Variants in MDN1 observed in about 807,000 individuals in gnomAD.
MDN1 encodes the protein midasin.
In MDN1, 266 loss-of-function variants were observed where a neutral mutation model predicts 669.2. The observed-to-expected ratio is 0.40, with a 90% CI of 0.36 to 0.44. The LOEUF is 0.44. Ranked by LOEUF, MDN1 falls within the 20% of genes least tolerant of loss-of-function variation. MDN1 has a pLI of 1.00. For missense variants in MDN1, 5,940 were observed against 6,754.0 expected, an observed-to-expected ratio of 0.88 and a Z score of 4.22; for synonymous variants, 2,385 against 2,457.1, an observed-to-expected ratio of 0.97 and a Z score of 0.87.
intron 73 of MDN1, among the ~76,000 whole-genome samples, chr6:89,682,681 C>T: frequency 7.5e-6 from 1 of 132,786 alleles, no homozygotes. Context: ...GCACTCCAGC[C>T]TGAGCGAGAC....
chr6:89,728,564 C>T (rs964614391), intron 36 of MDN1, among the ~76,000 whole-genome samples: 13 of 152,210 alleles, frequency 8.5e-5, no homozygotes, highest in African/African-American at 2.9e-4. Flanking sequence ...GGCGCCATGG[C>T]TTACGCCTGT....
In MDN1 at chr6:89,776,708, C is replaced by A; in HGVS notation, c.1726-13G>T. 6.5e-7 allele frequency: 1 copy of A among 1,545,158 alleles called. No homozygotes were observed. Among genetic ancestry groups the A allele is most frequent in the Non-Finnish European group, 8.8e-7 (1 of 1,135,514 alleles). The stretch of plus-strand genomic sequence containing the variant: ...AACAGTCTAGAGCCTATTAAAATAA[C>A]CAAGGTAAATGCTGACTGATTTTTA... On this transcript the variant is annotated splice_polypyrimidine_tract_variant and intron_variant, in intron 11 of 101. Transcript: ENST00000369393.
chr6:89,662,665 A>C (rs772799763), intron 86 of MDN1, 127 bp downstream of exon 86: 248 of 1,126,492 alleles, frequency 2.2e-4, no homozygotes, highest in Non-Finnish European at 3.0e-4. Flanking sequence ...AAAAAGAAAA[A>C]GAGGAATAGA....
intron 2 of MDN1, among the ~76,000 whole-genome samples, chr6:89,795,860 C>T (rs1015476752): frequency 1.3e-5 from 2 of 151,882 alleles, no homozygotes; most frequent in Admixed American, 1.3e-4. Flanking sequence ...GACGTCGAGG[C>T]GGGAGAATCG....
intron 91 of MDN1, 67 bp downstream of exon 91, chr6:89,656,633 A>G (rs1809325975): frequency 2.8e-6 from 3 of 1,072,464 alleles, no homozygotes; most frequent in Non-Finnish European, 2.7e-6. Context: ...TTTTTAAAGC[A>G]CTACGTTTGG....
At chr6:89,778,924 A>AAATAAAT (rs1818492302) in intron 11 of MDN1, among the ~76,000 whole-genome samples, 1 of 143,820 alleles carries the variant, frequency 7.0e-6, no homozygotes, top group Non-Finnish European at 1.5e-5. Context: ...ATAAATAAAT[A>AAATAAAT]AATAAATAAA....
Position 89,648,346 on chromosome 6 carries a change from T to A in MDN1, c.16207-17A>T. On this transcript the variant is annotated splice_polypyrimidine_tract_variant and intron_variant, in intron 97 of 101. Transcript: ENST00000369393. Reference sequence around the variant, plus strand: ...AAATGCAAGCTGTGAATTAGAAAGTTAATGATTTTAGGAATCAGAATATCC... The same window carrying A: ...AAATGCAAGCTGTGAATTAGAAAGTAAATGATTTTAGGAATCAGAATATCC... 5.6e-6 allele frequency: 9 copies of A among 1,610,958 alleles called. No individual in the cohort carries two copies. Among genetic ancestry groups the A allele is most frequent in the Non-Finnish European group, 7.6e-6 (9 of 1,177,122 alleles).
intron 12 of MDN1, among the ~76,000 whole-genome samples, chr6:89,775,493 G>T (rs893817497): frequency 1.3e-5 from 2 of 152,166 alleles, no homozygotes; most frequent in African/African-American, 4.8e-5. Context: ...GAGAATGTCA[G>T]ATATCTGCTT....
At chr6:89,769,918 T>G (rs946915582) in intron 15 of MDN1, among the ~76,000 whole-genome samples, 3 of 152,132 alleles carry the variant, frequency 2.0e-5, no homozygotes, top group Non-Finnish European at 2.9e-5. Context: ...ATGAAATTAC[T>G]AAAGACATAT....
rs1010970003 is a variant in MDN1 at position 89,678,586 on chromosome 6, G to A, written c.12412+13C>T. ...GTGACTACATTTCATTGGGTTTCAA[G>A]TGAGAACCTTACCAATTTTTGCAAG... On this transcript the variant is annotated intron_variant, in intron 75 of 101. Coordinates refer to ENST00000369393, the MANE Select transcript of MDN1 (RefSeq NM_014611.3). 20 of 1,612,878 alleles carry A rather than the reference G, an allele frequency of 1.2e-5. No homozygotes were observed. Among genetic ancestry groups the A allele is most frequent in the Non-Finnish European group, 1.6e-5 (19 of 1,179,456 alleles).
chr6:89,732,534 C>G (rs1207057040), intron 34 of MDN1, 23 bp downstream of exon 34: 1 of 1,610,062 alleles, frequency 6.2e-7, no homozygotes, highest in Admixed American at 1.7e-5. Context: ...CCCCTTGTCC[C>G]CACCAGCTAC....
In MDN1 at chr6:89,754,121, A is replaced by C. The variant is rs768641255; in HGVS notation, c.2926T>G (p.Ser976Ala). 6.2e-7 allele frequency: 1 copy of C among 1,614,058 alleles called. No homozygotes were observed. The highest frequency in any genetic ancestry group is 8.5e-7 in the Non-Finnish European group (1 of 1,179,996). Residue 976 changes from serine (S) to alanine (A), a missense_variant, in exon 21 of 102, where the codon TCC (serine) becomes GCC (alanine). This residue lies in a region of MDN1 where 1,203 missense variants were observed against 1,268.9 expected (regional missense o/e 0.95). Coordinates refer to ENST00000369393, the MANE Select transcript of MDN1 (RefSeq NM_014611.3). ...CGCTGAATGTTGCCACATGGATTGG[A>C]GGCTGCAAATCGCAGGGCCCGGCAC... Reference protein sequence around the residue: ...TLCRALRFAASNPCGNIQRSL... With the variant: ...TLCRALRFAAANPCGNIQRSL...
At chr6:89,811,893 T>C (rs1768441321) in intron 1 of MDN1, among the ~76,000 whole-genome samples, 1 of 152,184 alleles carries the variant, frequency 6.6e-6, no homozygotes, top group African/African-American at 2.4e-5. Context: ...CTTAACATTC[T>C]GTGAAGCTTA....
intron 73 of MDN1, 84 bp downstream of exon 73, chr6:89,683,048 G>A: frequency 1.5e-6 from 2 of 1,360,246 alleles, no homozygotes; most frequent in Non-Finnish European, 2.1e-6. Flanking sequence ...TTCTTGTCTA[G>A]TACTGAGGCA....
intron 91 of MDN1, 131 bp from the exon 92 acceptor site, chr6:89,656,099 C>T (rs1463610321): frequency 2.7e-6 from 2 of 745,136 alleles, no homozygotes; most frequent in Non-Finnish European, 4.3e-6. Context: ...GAATTCAATA[C>T]AGCTATTAAA....
chr6:89,766,020 C>T lies in MDN1; in HGVS notation c.2145-3490G>A, dbSNP rs187010140. Among the ~76,000 whole-genome samples, 589 of 152,304 alleles carry T rather than the reference C, an allele frequency of 3.9e-3. 4 individuals are homozygous for T. Among genetic ancestry groups the T allele is most frequent in the Non-Finnish European group, 5.8e-3 (394 of 68,010 alleles). On this transcript the variant is annotated intron_variant, in intron 15 of 101. Coordinates refer to ENST00000369393, the MANE Select transcript of MDN1 (RefSeq NM_014611.3). Reference sequence around the variant, plus strand: ...TAAAGAAAACCTCATTCAGGCCAGGCGCTGTGGCTCATGCATGTAATCCCA... The same window carrying T: ...TAAAGAAAACCTCATTCAGGCCAGGTGCTGTGGCTCATGCATGTAATCCCA...
intron 18 of MDN1, 103 bp downstream of exon 18, chr6:89,758,713 G>T: frequency 8.1e-7 from 1 of 1,232,308 alleles, no homozygotes. Flanking sequence ...AAATTCCATT[G>T]GGAGGCCCAT....
intron 84 of MDN1, among the ~76,000 whole-genome samples, chr6:89,666,757 A>G (rs144890240): frequency 4.9e-4 from 75 of 152,354 alleles, no homozygotes; most frequent in African/African-American, 1.7e-3. Context: ...GCAGTGAGCT[A>G]TGATTATAGA....
Position 89,772,546 on chromosome 6 carries a change from G to A in MDN1, c.2083+27C>T, listed in dbSNP as rs1490833425. 12 of 1,601,370 alleles carry A rather than the reference G, an allele frequency of 7.5e-6. 1 individual carries two copies. The South Asian group carries it at 1.2e-4, about 16-fold the overall frequency. ...AAGTAGTCAGTGTGAAATATCTGGG[G>A]GCAGATTTATTTCCTCTAGGGATTA... On this transcript the variant is annotated intron_variant, in intron 14 of 101. Transcript: ENST00000369393.
Sources: gnomAD v4.1 joint callset for allele counts (sites outside exome capture counted in the v4.1 genomes callset) on GRCh38, gnomAD v4.1.1 for gene constraint, gnomAD v4.1.1 regional missense constraint, MANE v1.5 for transcripts, NCBI Gene and HGNC (gene_info 2026-07-23, HGNC 2026-07-21) for gene names.